CLASP2: variants seen among roughly 807,000 people sequenced by gnomAD.
The protein encoded by CLASP2 is CLIP-associating protein 2.
In CLASP2, 47 loss-of-function variants were observed where a neutral mutation model predicts 194.4. That is an observed-to-expected ratio of 0.24 (90% CI 0.19 to 0.31). CLASP2 has a LOEUF of 0.31. Ranked by LOEUF, CLASP2 falls within the 10% of genes least tolerant of loss-of-function variation. The pLI, the probability that CLASP2 is intolerant of heterozygous loss-of-function variation, is 1.00. For missense variants in CLASP2, 1,445 were observed against 1,823.6 expected (o/e 0.79, Z 3.78); for synonymous variants, 619 against 633.5 (o/e 0.98, Z 0.34).
At position 33,538,870 on chromosome 3, in the gene CLASP2, T is replaced by G; in HGVS notation, c.3477A>C (p.Ala1159=). ...IYSSLRGVTE[A]IQNFSFRSQE... is the part of the protein sequence containing the mutation. ...GGCTACGGAAGCTGAAATTCTGGATTGCTTCAGTGACACCTCTAAGAGAGC... is the reference window on the plus strand; with the variant it reads ...GGCTACGGAAGCTGAAATTCTGGATGGCTTCAGTGACACCTCTAAGAGAGC... The change falls in exon 33 of 39, where the codon GCA becomes GCC. Residue 1159 remains alanine (A), a synonymous_variant. Transcript: ENST00000682230. 1 of 1,608,732 alleles carries G rather than the reference T, an allele frequency of 6.2e-7. No individual in the cohort carries two copies. Among genetic ancestry groups the G allele is most frequent in the Non-Finnish European group, 8.5e-7 (1 of 1,177,256 alleles).
intron 34 of CLASP2, among the ~76,000 whole-genome samples, chr3:33,529,255 A>G (rs1490083696): frequency 1.3e-5 from 2 of 152,206 alleles, no homozygotes; most frequent in African/African-American, 4.8e-5. Flanking sequence ...GCCCAAAGCA[A>G]TGTACAGATT....
chr3:33,717,240 G>A lies in CLASP2; in HGVS notation c.195+568C>T, dbSNP rs2093338726. Among the ~76,000 whole-genome samples the A allele has an allele frequency of 2.0e-5, 3 of 152,138 alleles. No homozygotes were observed. In the South Asian group the frequency reaches 6.2e-4, roughly 32 times the overall value. The stretch of plus-strand genomic sequence containing the variant: ...AACACAAATGTCGAAGTCTTTCACT[G>A]ATTTTTTTTTCAAAATAAGTGATCA... On this transcript the variant is annotated intron_variant, in intron 1 of 38. Transcript: ENST00000682230.
At chr3:33,674,056 T>G (rs558929638) in intron 6 of CLASP2, among the ~76,000 whole-genome samples, 1,568 of 152,116 alleles carry the variant, frequency 0.01, 34 homozygotes, top group African/African-American at 0.036. Context: ...TCAACAAGGA[T>G]ACCCAGGAAT....
chr3:33,619,712 T>C lies in CLASP2; in HGVS notation c.1208A>G (p.Lys403Arg). 5 of 1,588,288 alleles carry C rather than the reference T, an allele frequency of 3.1e-6. No homozygotes were observed. The highest frequency in any genetic ancestry group is 4.3e-6 in the Non-Finnish European group (5 of 1,166,994). ...VAHLSTVLGNKFDHGAEAIVP... is the reference protein window; with the variant it reads ...VAHLSTVLGNRFDHGAEAIVP... ...AATGGCTTCAGCGCCATGATCAAAC[T>C]TGTTTCCCAAAACTGTTGAAAGGTG... is the stretch of plus-strand genomic sequence containing the variant. Residue 403 changes from lysine to arginine, a missense_variant, in exon 12 of 39, where the codon AAG (lysine) becomes AGG (arginine). By Grantham distance (26) the Lys-to-Arg change is conservative (BLOSUM62 2). This residue lies in a region of CLASP2 where 207 missense variants were observed against 331.4 expected (regional missense o/e 0.62). Transcript: ENST00000682230.
At chr3:33,670,168 C>A (rs912804342) in intron 6 of CLASP2, among the ~76,000 whole-genome samples, 5 of 151,768 alleles carry the variant, frequency 3.3e-5, no homozygotes, top group Admixed American at 3.3e-4. Flanking sequence ...AAGTCAAACA[C>A]AAAAAAGTAT....
chr3:33,713,532 T>C (rs1421207650), intron 1 of CLASP2, among the ~76,000 whole-genome samples: 1 of 152,210 alleles, frequency 6.6e-6, no homozygotes, highest in Non-Finnish European at 1.5e-5. Flanking sequence ...TAATAGTTTA[T>C]AGGATATATA....
intron 26 of CLASP2, among the ~76,000 whole-genome samples, chr3:33,568,002 T>C (rs1275508174): frequency 6.6e-6 from 1 of 152,212 alleles, no homozygotes; most frequent in East Asian, 1.9e-4. Context: ...CTTACAGATA[T>C]TGTGGTTAAT....
chr3:33,592,589 C>A, intron 20 of CLASP2, 93 bp from the exon 21 acceptor site: 1 of 938,250 alleles, frequency 1.1e-6, no homozygotes. Flanking sequence ...TAGGTACTGC[C>A]AAATTCTGTA....
At chr3:33,528,285 A>G (rs1000658195) in intron 34 of CLASP2, among the ~76,000 whole-genome samples, 1 of 152,212 alleles carries the variant, frequency 6.6e-6, no homozygotes, top group Non-Finnish European at 1.5e-5. Context: ...TTGAAGGAAC[A>G]TATCTCAAAA....
intron 19 of CLASP2, 100 bp from the exon 20 acceptor site, chr3:33,595,068 A>G (rs888287965): frequency 1.6e-5 from 10 of 627,814 alleles, no homozygotes; most frequent in Middle Eastern, 2.7e-4. Flanking sequence ...GAAAGGGTAA[A>G]AACAAAAAAT....
At chr3:33,537,284 A>G (rs1193040584) in intron 33 of CLASP2, among the ~76,000 whole-genome samples, 2 of 152,180 alleles carry the variant, frequency 1.3e-5, no homozygotes, top group Non-Finnish European at 2.9e-5. Flanking sequence ...GGAACCTCAA[A>G]TATCAGTGAT....
At chr3:33,595,413 A>T (rs2070011999) in intron 19 of CLASP2, among the ~76,000 whole-genome samples, 1 of 152,080 alleles carries the variant, frequency 6.6e-6, no homozygotes, top group Non-Finnish European at 1.5e-5. Context: ...AAACATAGGA[A>T]TAAAATCTAT....
rs2068999410 is a variant in CLASP2, at chr3:33,592,384, G to C, written c.2068+11C>G. 1 of 1,577,970 alleles carries C rather than the reference G, an allele frequency of 6.3e-7. No individual in the cohort carries two copies. The highest frequency in any genetic ancestry group is 1.3e-5 in the African/African-American group (1 of 74,278). On this transcript the variant is annotated intron_variant, in intron 21 of 38. Coordinates refer to ENST00000682230, the MANE Select transcript of CLASP2 (RefSeq NM_001365631.1). ...GTGACAAATATAGGAGGGCTGATAA[G>C]CAATACATACGCTGTGATTGAGACA...
At chr3:33,619,786 T>C (rs758233217) in intron 11 of CLASP2, 48 bp from the exon 12 acceptor site, 3 of 1,404,180 alleles carry the variant, frequency 2.1e-6, no homozygotes, top group Non-Finnish European at 1.9e-6. Flanking sequence ...ACATTAAATA[T>C]AGATAGAACC....
intron 7 of CLASP2, among the ~76,000 whole-genome samples, chr3:33,660,551 A>T (rs1429760474): frequency 6.6e-6 from 1 of 152,178 alleles, no homozygotes; most frequent in Non-Finnish European, 1.5e-5. Flanking sequence ...AAACACTCTA[A>T]ATCAATATGC....
intron 15 of CLASP2, 31 bp from the exon 16 acceptor site, chr3:33,606,789 A>G (rs758097719): frequency 9.9e-6 from 15 of 1,515,486 alleles, no homozygotes; most frequent in Non-Finnish European, 1.4e-5. Context: ...CAGATGAAGT[A>G]ATAGCTTTAC....
chr3:33,676,007 C>T (rs1315778925), intron 6 of CLASP2, among the ~76,000 whole-genome samples: 2 of 151,526 alleles, frequency 1.3e-5, no homozygotes, highest in Admixed American at 6.6e-5. Context: ...GGCCATACTG[C>T]CCAAGGTAAT....
intron 32 of CLASP2, among the ~76,000 whole-genome samples, chr3:33,543,080 A>G (rs1323279134): frequency 6.6e-6 from 1 of 152,208 alleles, no homozygotes; most frequent in African/African-American, 2.4e-5. Flanking sequence ...TTTTTTAAGA[A>G]TGGAATTTAC....
intron 26 of CLASP2, among the ~76,000 whole-genome samples, chr3:33,569,494 C>T (rs552634242): frequency 1.3e-5 from 2 of 152,038 alleles, no homozygotes; most frequent in African/African-American, 2.4e-5. Context: ...GCTTATATTG[C>T]CAACTAAAAA....
Sources: gnomAD v4.1 joint callset for allele counts (sites outside exome capture counted in the v4.1 genomes callset) on GRCh38, gnomAD v4.1.1 for gene constraint, gnomAD v4.1.1 regional missense constraint, MANE v1.5 for transcripts, NCBI Gene and HGNC (gene_info 2026-07-23, HGNC 2026-07-21) for gene names.